The following MAMDC4 variants were observed in gnomAD, a reference collection of about 807,000 sequenced individuals.
The protein encoded by MAMDC4 is MAM domain containing 4, also known as apical endosomal glycoprotein.
MAMDC4 carries 168 observed loss-of-function variants against 153.3 expected under a neutral mutation model. The ratio of observed to expected loss-of-function variants is 1.10; its 90% CI spans 0.97 to 1.25. The LOEUF (loss-of-function observed/expected upper bound fraction) is 1.25, where lower values mean the gene tolerates loss of function less well. Among genes scored for constraint, MAMDC4 ranks in the 50% most tolerant of loss-of-function variants. The pLI, the probability that MAMDC4 is intolerant of heterozygous loss-of-function variation, is 0.00. For synonymous variants in MAMDC4, 744 were observed against 651.5 expected (o/e 1.14, Z -2.16); for missense variants, 1,701 against 1,542.8 (o/e 1.10, Z -1.72).
chr9:136,860,010 C>T lies in MAMDC4; in HGVS notation c.3318C>T (p.Phe1106=), dbSNP rs1849063217. 1 of 1,610,874 alleles carries T rather than the reference C, an allele frequency of 6.2e-7. No individual in the cohort carries two copies. The highest frequency in any genetic ancestry group is 2.2e-5 in the East Asian group (1 of 44,828). ...TGCAGAAGAAGGGGAGCTGCCCCTT[C>T]CAGAGCAACACAGAGGCCACAGCCC... ...RWLQKKGSCP[F]QSNTEATAPG... Residue 1106 remains phenylalanine, a synonymous_variant, in exon 26 of 27, where the codon TTC becomes TTT. Transcript: ENST00000317446.
rs1849058314 is a variant in MAMDC4, at chr9:136,859,681, A to G, written c.3194-205A>G. The G allele has an allele frequency of 1.5e-4, 92 of 612,954 alleles. 2 individuals carry two copies. The South Asian group carries it at 1.7e-3, about 11-fold the overall frequency. The allele number at this position is 612,954 out of a possible 1,614,324, so 38.0% of individuals were successfully genotyped here. A position where few individuals can be genotyped will look rare whatever the true frequency, so the allele number is the denominator to read the frequency against. On this transcript the variant is annotated intron_variant, in intron 25 of 26. Transcript: ENST00000317446. ...GAGGGAAAGAATCTCGCCTGGGGCC[A>G]TGAGCCCCACCAAGTCTGCAGACAG...
chr9:136,858,589 C>T (rs761779486), intron 22 of MAMDC4, 43 bp downstream of exon 22: 2 of 1,567,802 alleles, frequency 1.3e-6, no homozygotes, highest in South Asian at 2.3e-5. Flanking sequence ...CACACAGCCA[C>T]CTGGCCTCCT....
In MAMDC4 at chr9:136,856,071, G is replaced by A; in HGVS notation, c.1642G>A (p.Val548Ile). 2 of 1,612,448 alleles carry A rather than the reference G, an allele frequency of 1.2e-6. No homozygotes were observed. Among genetic ancestry groups the A allele is most frequent in the Non-Finnish European group, 1.7e-6 (2 of 1,179,870 alleles). ...AWGQLGAEARVLTPLLGPSGP... is the reference protein window; with the variant it reads ...AWGQLGAEARILTPLLGPSGP... ...GGGGCAGCTAGGCGCTGAGGCCCGG[G>A]TCCTCACACCCCTCCTTGGCCCTTC... Residue 548 changes from valine (V) to isoleucine (I), a missense_variant, in exon 14 of 27, where the codon GTC becomes ATC. Physicochemically the swap from Val to Ile is conservative, Grantham distance 29 (BLOSUM62 3). Transcript: ENST00000317446.
Position 136,854,036 on chromosome 9 carries a change from G to A in MAMDC4, c.630G>A (p.Val210=), listed in dbSNP as rs1848966560. The A allele has an allele frequency of 6.2e-7, 1 of 1,612,916 alleles. No homozygotes were observed. Among genetic ancestry groups the A allele is most frequent in the Admixed American group, 1.7e-5 (1 of 60,018 alleles). Residue 210 remains valine (V), a synonymous_variant, in exon 6 of 27, where the codon GTG becomes GTA. Coordinates refer to ENST00000317446, the MANE Select transcript of MAMDC4 (RefSeq NM_206920.3). ...ATRNATHRGA[V]ALDDLEFWDC... ...GAAATGCCACCCACAGGGGCGCTGTGGCTCTAGATGACCTAGAGTTCTGGG... is the reference window on the plus strand; with the variant it reads ...GAAATGCCACCCACAGGGGCGCTGTAGCTCTAGATGACCTAGAGTTCTGGG...
rs1318996699 is a variant in MAMDC4 at position 136,860,093 on chromosome 9, G to T, written c.3372+29G>T. On this transcript the variant is annotated intron_variant, in intron 26 of 26. Transcript: ENST00000317446. ...GGAGCCCCTGGGGATGGGTGGGCAG[G>T]AGCCTCTGTGCTCAGCTGTGACGCT... The T allele has an allele frequency of 1.3e-5, 20 of 1,523,266 alleles. 1 individual carries two copies. In the East Asian group the frequency reaches 4.8e-4, roughly 37 times the overall value. The allele number at this position is 1,523,266 out of a possible 1,614,324, so 94.4% of individuals were successfully genotyped here. A position where few individuals can be genotyped will look rare whatever the true frequency, so the allele number is the denominator to read the frequency against.
chr9:136,856,704 C>A lies in MAMDC4; in HGVS notation c.1721-6C>A, dbSNP rs768890764. On this transcript the variant is annotated splice_region_variant and splice_polypyrimidine_tract_variant and intron_variant, in intron 14 of 26. Coordinates refer to ENST00000317446, the MANE Select transcript of MAMDC4 (RefSeq NM_206920.3). Reference sequence around the variant, plus strand: ...GGTGTGTGACGCCACCTGGCCCCACCCCCAGAGGTCTCCTGTAACTTTGAG... The same window carrying A: ...GGTGTGTGACGCCACCTGGCCCCACACCCAGAGGTCTCCTGTAACTTTGAG... 1.1e-5 allele frequency: 18 copies of A among 1,612,356 alleles called. No individual in the cohort carries two copies. Among genetic ancestry groups the A allele is most frequent in the Non-Finnish European group, 1.4e-5 (17 of 1,179,668 alleles).
chr9:136,859,142 G>T lies in MAMDC4; in HGVS notation c.3084+10G>T. 6.3e-7 allele frequency: 1 copy of T among 1,577,234 alleles called. No homozygotes were observed. Among genetic ancestry groups the T allele is most frequent in the Non-Finnish European group, 8.6e-7 (1 of 1,160,428 alleles). On this transcript the variant is annotated intron_variant, in intron 24 of 26. Transcript: ENST00000317446. ...TGCCAAGGAGTTCCAGGTGAGGCTGGCTGTGGGCAAGGAGCCTCCTCCTCC... is the reference window on the plus strand; with the variant it reads ...TGCCAAGGAGTTCCAGGTGAGGCTGTCTGTGGGCAAGGAGCCTCCTCCTCC...
At chr9:136,859,165 T>G (rs932756565) in intron 24 of MAMDC4, 33 bp downstream of exon 24, 4 of 1,590,402 alleles carry the variant, frequency 2.5e-6, no homozygotes, top group African/African-American at 2.7e-5. Context: ...AGCCTCCTCC[T>G]CCTCCACCCA....
chr9:136,859,462 C>T (rs1849055968), intron 25 of MAMDC4, 145 bp downstream of exon 25: 4 of 751,378 alleles, frequency 5.3e-6, no homozygotes, highest in Non-Finnish European at 8.4e-6. Flanking sequence ...AGGCCCAGGC[C>T]CTGTGCCCTC....
Position 136,855,796 on chromosome 9 carries a change from G to C in MAMDC4, c.1536G>C (p.Gln512His), listed in dbSNP as rs770790837. The change falls in exon 13 of 27, where the codon CAG becomes CAC. Residue 512 changes from glutamine (Q) to histidine (H), a missense_variant. Coordinates refer to ENST00000317446, the MANE Select transcript of MAMDC4 (RefSeq NM_206920.3). The part of the protein sequence containing the change: ...GWEDASVGRL[Q>H]WRRVSAQESQ... ...AGGACGCCAGCGTGGGGCGGCTGCAGTGGCGGCGTGTCTCAGCCCAGGAGA... is the reference window on the plus strand; with the variant it reads ...AGGACGCCAGCGTGGGGCGGCTGCACTGGCGGCGTGTCTCAGCCCAGGAGA... 6 of 1,547,034 alleles carry C rather than the reference G, an allele frequency of 3.9e-6. No homozygotes were observed. Among genetic ancestry groups the C allele is most frequent in the Non-Finnish European group, 5.2e-6 (6 of 1,146,320 alleles).
chr9:136,856,818 C>A lies in MAMDC4; in HGVS notation c.1829C>A (p.Thr610Lys). Residue 610 changes from threonine (T) to lysine (K), a missense_variant, in exon 15 of 27, where the codon ACA (threonine) becomes AAA (lysine). Coordinates refer to ENST00000317446, the MANE Select transcript of MAMDC4 (RefSeq NM_206920.3). ...ESRGPDHDHT[T>K]GQGHFVLLDP... ...CGCGGCCCTGACCACGACCACACCACAGGCCAAGGTAGGATGGGCGCTCAG... is the reference window on the plus strand; with the variant it reads ...CGCGGCCCTGACCACGACCACACCAAAGGCCAAGGTAGGATGGGCGCTCAG... The A allele has an allele frequency of 1.2e-6, 2 of 1,612,234 alleles. No homozygotes were observed. The highest frequency in any genetic ancestry group is 1.7e-6 in the Non-Finnish European group (2 of 1,179,720).
chr9:136,857,846 G>A, intron 19 of MAMDC4, 50 bp downstream of exon 19: 3 of 1,587,832 alleles, frequency 1.9e-6, no homozygotes, highest in Admixed American at 1.8e-5. Flanking sequence ...AGCTTGGCCT[G>A]GTGTCCCCAC....
At chr9:136,852,532 C>T in intron 1 of MAMDC4, 70 bp downstream of exon 1, 2 of 1,554,784 alleles carry the variant, frequency 1.3e-6, no homozygotes, top group Middle Eastern at 1.7e-4. Context: ...ATCTGTGTGG[C>T]AGTGACGGAC....
intron 12 of MAMDC4, 56 bp downstream of exon 12, chr9:136,855,675 C>G: frequency 2.6e-6 from 4 of 1,567,278 alleles, no homozygotes; most frequent in Non-Finnish European, 3.5e-6. Flanking sequence ...GGGGTAGGCG[C>G]CGGGGCAGGC....
chr9:136,858,558 C>A lies in MAMDC4; in HGVS notation c.2821+12C>A. 1 of 1,564,828 alleles carries A rather than the reference C, an allele frequency of 6.4e-7. No individual in the cohort carries two copies. The highest frequency in any genetic ancestry group is 8.7e-7 in the Non-Finnish European group (1 of 1,155,716). On this transcript the variant is annotated intron_variant, in intron 22 of 26. Coordinates refer to ENST00000317446, the MANE Select transcript of MAMDC4 (RefSeq NM_206920.3). ...GGGCACAGAGGCAGGTACGTGCCCA[C>A]TGGAGCCAGGTGGGGAGGCACACAC...
Position 136,853,850 on chromosome 9 carries a change from G to T in MAMDC4, c.528G>T (p.Trp176Cys). 2 of 1,612,470 alleles carry T rather than the reference G, an allele frequency of 1.2e-6. No homozygotes were observed. The highest frequency in any genetic ancestry group is 1.7e-6 in the Non-Finnish European group (2 of 1,179,800). Reference protein sequence around the residue: ...TLTLWQSTGPWGPGWQELAVT... With the variant: ...TLTLWQSTGPCGPGWQELAVT... ...CCCTGTGGCAGAGCACAGGGCCCTG[G>T]GGCCCTGGCTGGCAGGAGTTGGCAG... The change falls in exon 5 of 27, where the codon TGG becomes TGT. Residue 176 changes from tryptophan (W) to cysteine (C), a missense_variant. Physicochemically the swap from Trp to Cys is radical, Grantham distance 215 (BLOSUM62 -2). Coordinates refer to ENST00000317446, the MANE Select transcript of MAMDC4 (RefSeq NM_206920.3).
rs1432350630 is a variant in MAMDC4 at position 136,859,220 on chromosome 9, A to G, written c.3096A>G (p.Glu1032=). The G allele has an allele frequency of 6.2e-7, 1 of 1,611,262 alleles. No individual in the cohort carries two copies. Among genetic ancestry groups the G allele is most frequent in the Non-Finnish European group, 8.5e-7 (1 of 1,179,036 alleles). ...TCCTTCTCCATCAGATCGTGTTTGA[A>G]GCCACTCTGGGCGGCCAGCCAGCCC... ...ASAKEFQIVF[E]ATLGGQPALG... Residue 1032 remains glutamate, a synonymous_variant, in exon 25 of 27, where the codon GAA becomes GAG. Coordinates refer to ENST00000317446, the MANE Select transcript of MAMDC4 (RefSeq NM_206920.3).
chr9:136,855,560 C>T lies in MAMDC4; in HGVS notation c.1412C>T (p.Pro471Leu), dbSNP rs779045208. The T allele has an allele frequency of 2.7e-5, 43 of 1,591,568 alleles. No homozygotes were observed. The highest frequency in any genetic ancestry group is 3.3e-4 in the Middle Eastern group (2 of 6,054). ...HLACGDLCVP[P>L]EQLCDFEEQC... ...GCCTGCGGGGACCTGTGTGTGCCCC[C>T]GGAACAACTGTGTGACTTCGAGGAG... The change falls in exon 12 of 27, where the codon CCG becomes CTG. Residue 471 changes from proline to leucine, a missense_variant. Coordinates refer to ENST00000317446, the MANE Select transcript of MAMDC4 (RefSeq NM_206920.3).
rs762040672 is a variant in MAMDC4, at chr9:136,857,518, G to C, written c.2258G>C (p.Arg753Pro). The C allele has an allele frequency of 1.9e-6, 3 of 1,610,770 alleles. No homozygotes were observed. Among genetic ancestry groups the C allele is most frequent in the Non-Finnish European group, 2.5e-6 (3 of 1,179,960 alleles). ...CCTGGAGGCCAAGGTCTCTGGAGGC[G>C]GCAGGCCAATGCCTCGGGCCATGCT... ...FSPGGQGLWR[R>P]QANASGHAAW... Residue 753 changes from arginine to proline, a missense_variant, in exon 18 of 27, where the codon CGG becomes CCG. Coordinates refer to ENST00000317446, the MANE Select transcript of MAMDC4 (RefSeq NM_206920.3).
Sources: allele counts gnomAD v4.1 joint callset, GRCh38; gene constraint gnomAD v4.1.1; transcripts MANE v1.5; gene names NCBI Gene and HGNC (gene_info 2026-07-23, HGNC 2026-07-21).